Variants in SPART observed in about 807,000 individuals in gnomAD.
The protein encoded by SPART is spastic paraplegia 20 (Troyer syndrome).
In SPART, 35 loss-of-function variants were observed where a neutral mutation model predicts 58.7. The ratio of observed to expected loss-of-function variants is 0.60; its 90% CI spans 0.46 to 0.79. The LOEUF (loss-of-function observed/expected upper bound fraction) is 0.79. Ranked by LOEUF, SPART falls within the 30% of genes least tolerant of loss-of-function variation. The probability of loss-of-function intolerance (pLI) is 0.00; values close to 1 mark genes in which losing one functional copy is unlikely to be tolerated. For synonymous variants in SPART, 284 were observed against 280.7 expected (o/e 1.01, Z -0.12); for missense variants, 730 against 786.1 (o/e 0.93, Z 0.85).
chr13:36,326,546 AG>A (rs1395368139), intron 5 of SPART, 28 bp downstream of exon 5: 1 of 1,612,202 alleles, frequency 6.2e-7, no homozygotes, highest in Non-Finnish European at 8.5e-7. Context: ...AATGTCATAC[AG>A]GGAAAAAAAT....
At chr13:36,312,510 A>G (rs1258339406) in intron 6 of SPART, 33 bp from the exon 7 acceptor site, 2 of 1,602,216 alleles carry the variant, frequency 1.2e-6, no homozygotes, top group African/African-American at 1.3e-5. Context: ...AAACTTAGGA[A>G]AAATATATTA....
chr13:36,339,627 C>CA (rs71084420), intron 1 of SPART, among the ~76,000 whole-genome samples: 530 of 38,800 alleles, frequency 0.014, 30 homozygotes, highest in African/African-American at 0.016. Context: ...ACGACTCCAT[C>CA]AAAAAAAAAA....
At chr13:36,368,232 G>A in intron 1 of SPART, 2 of 462,896 alleles carry the variant, frequency 4.3e-6, no homozygotes. Context: ...TGAGGATACA[G>A]GAATAAACAA....
chr13:36,368,865 A>G (rs548114934), intron 1 of SPART, among the ~76,000 whole-genome samples: 2 of 152,132 alleles, frequency 1.3e-5, no homozygotes, highest in East Asian at 3.9e-4. Flanking sequence ...TGGGTGTGGT[A>G]GCGCTTGCCT....
upstream of SPART, among the ~76,000 whole-genome samples, chr13:36,349,013 C>T (rs904951764): frequency 2.0e-5 from 3 of 152,188 alleles, no homozygotes; most frequent in African/African-American, 7.2e-5. Context: ...CCTGTAATCC[C>T]AGCACTTTGG....
At chr13:36,322,521 G>GA (rs2137427462) in intron 5 of SPART, among the ~76,000 whole-genome samples, 1 of 152,266 alleles carries the variant, frequency 6.6e-6, no homozygotes, top group African/African-American at 2.4e-5. Context: ...AAAGCTAGCT[G>GA]AACCCTAAGA....
At chr13:36,338,209 A>G (rs1172026453) in intron 1 of SPART, among the ~76,000 whole-genome samples, 1 of 152,322 alleles carries the variant, frequency 6.6e-6, no homozygotes, top group South Asian at 2.1e-4. Flanking sequence ...ATTAAACTAT[A>G]CATTTAAGAT....
In SPART at chr13:36,331,391, CAA is replaced by C; in HGVS notation, c.1008+6_1008+7del. The C allele has an allele frequency of 6.2e-7, 1 of 1,613,630 alleles. No individual in the cohort carries two copies. Among genetic ancestry groups the C allele is most frequent in the Non-Finnish European group, 8.5e-7 (1 of 1,179,586 alleles). On this transcript the variant is annotated splice_donor_region_variant and intron_variant, in intron 3 of 8. Coordinates refer to ENST00000438666, the MANE Select transcript of SPART (RefSeq NM_015087.5). ...TTTTTTCACCCTAAAGATGATCACA[CAA>C]GTTACCTGGAGCCGAAGGTCAGACA...
At chr13:36,367,764 G>C (rs1886121416) in intron 1 of SPART, among the ~76,000 whole-genome samples, 1 of 152,146 alleles carries the variant, frequency 6.6e-6, no homozygotes, top group Non-Finnish European at 1.5e-5. Flanking sequence ...CTATTCACAG[G>C]TGATATCTCC....
intron 5 of SPART, among the ~76,000 whole-genome samples, chr13:36,317,418 CGTGCCCCAACCTCTTATATCTCT>C (rs1881828042): frequency 6.6e-6 from 1 of 151,918 alleles, no homozygotes; most frequent in Non-Finnish European, 1.5e-5. Context: ...CCCTTATTTC[CGTGCCCCAACCTCTTATATCTCT>C]GTGCCCCAAT....
chr13:36,304,434 A>G lies in SPART; in HGVS notation c.1932T>C (p.Asn644=), dbSNP rs757608082. Residue 644 remains asparagine (N), a synonymous_variant, in exon 9 of 9, where the codon AAT becomes AAC. Coordinates refer to ENST00000438666, the MANE Select transcript of SPART (RefSeq NM_015087.5). ...SQRENQEGAA[N]VNVRGEKDEQ... Reference sequence around the variant, plus strand: ...CATCCTTCTCCCCTCTCACGTTGACATTTGCTGCTCCTTCTTGATTTTCCC... The same window carrying G: ...CATCCTTCTCCCCTCTCACGTTGACGTTTGCTGCTCCTTCTTGATTTTCCC... 2 of 1,613,812 alleles carry G rather than the reference A, an allele frequency of 1.2e-6. No individual in the cohort carries two copies. The highest frequency in any genetic ancestry group is 1.7e-5 in the Admixed American group (1 of 59,978).
intron 8 of SPART, 131 bp downstream of exon 8, chr13:36,312,014 G>A: frequency 1.3e-6 from 1 of 779,028 alleles, no homozygotes; most frequent in Non-Finnish European, 2.2e-6. Flanking sequence ...CTGAACCTGG[G>A]AGGTGGAGGT....
chr13:36,353,104 C>G (rs1182345446), intron 1 of SPART, among the ~76,000 whole-genome samples: 1 of 152,202 alleles, frequency 6.6e-6, no homozygotes, highest in African/African-American at 2.4e-5. Context: ...TTTCTGAATA[C>G]TTTAGAGCAG....
chr13:36,309,081 G>A (rs1880808631), intron 8 of SPART, among the ~76,000 whole-genome samples: 1 of 151,956 alleles, frequency 6.6e-6, no homozygotes, highest in African/African-American at 2.4e-5. Flanking sequence ...TGTCTGTACT[G>A]AACATACAAA....
chr13:36,305,466 T>C (rs1041593384), intron 8 of SPART, among the ~76,000 whole-genome samples: 17 of 152,170 alleles, frequency 1.1e-4, no homozygotes, highest in African/African-American at 3.9e-4. Context: ...AATCTTACCT[T>C]TGTCCTTTAA....
intron 1 of SPART, among the ~76,000 whole-genome samples, chr13:36,355,677 G>T (rs374494489): frequency 6.6e-6 from 1 of 152,182 alleles, no homozygotes; most frequent in Non-Finnish European, 1.5e-5. Flanking sequence ...AAATTCTAAG[G>T]CTCCCCCCAA....
chr13:36,338,530 A>G (rs1320815435), intron 1 of SPART, among the ~76,000 whole-genome samples: 1 of 152,176 alleles, frequency 6.6e-6, no homozygotes, highest in East Asian at 1.9e-4. Flanking sequence ...TTGAAAGCCT[A>G]TTTACAAATT....
At position 36,304,235 on chromosome 13, in the gene SPART, G is replaced by C; in HGVS notation, c.*130C>G. 3 of 1,116,488 alleles carry C rather than the reference G, an allele frequency of 2.7e-6. No individual in the cohort carries two copies. The highest frequency in any genetic ancestry group is 4.0e-6 in the Non-Finnish European group (3 of 758,376). The allele number at this position is 1,116,488 out of a possible 1,614,324, so 69.2% of individuals were successfully genotyped here. ...ATAGAAGACATGCCATAAAATTTATGAAAGTTAATTTGTAGGAATGAATAC... is the reference window on the plus strand; with the variant it reads ...ATAGAAGACATGCCATAAAATTTATCAAAGTTAATTTGTAGGAATGAATAC... On this transcript the variant is annotated 3_prime_UTR_variant, in exon 9 of 9. Coordinates refer to ENST00000438666, the MANE Select transcript of SPART (RefSeq NM_015087.5).
rs1331502154 is a variant in SPART at position 36,356,420 on chromosome 13, C to A, written c.-3+13669G>T. 3.3e-5 allele frequency among the ~76,000 whole-genome samples: 5 copies of A among 152,144 alleles called. No homozygotes were observed. In the South Asian group the frequency reaches 6.2e-4, roughly 19 times the overall value. ...CCCCCACATGATAAACATTTTACAA[C>A]CTATTCTCTCTGAAGTCTACCACCT... On this transcript the variant is annotated intron_variant, in intron 1 of 8. Coordinates refer to the SPART transcript ENST00000355182.
Sources: gnomAD v4.1 joint callset for allele counts (sites outside exome capture counted in the v4.1 genomes callset) on GRCh38, gnomAD v4.1.1 for gene constraint, MANE v1.5 for transcripts, NCBI Gene and HGNC (gene_info 2026-07-23, HGNC 2026-07-21) for gene names.